Variants in ANKS6 observed in about 807,000 individuals in gnomAD.
ANKS6 encodes ankyrin repeat and sterile alpha motif domain containing 6.
A neutral mutation model predicts 77.9 loss-of-function variants in ANKS6; 47 were observed. The ratio of observed to expected loss-of-function variants is 0.60; its 90% CI spans 0.48 to 0.77. The LOEUF (loss-of-function observed/expected upper bound fraction) is 0.77, where lower values mean the gene tolerates loss of function less well. Ranked by LOEUF, ANKS6 falls within the 30% of genes least tolerant of loss-of-function variation. The probability of loss-of-function intolerance (pLI) is 0.00; values close to 1 mark genes in which losing one functional copy is unlikely to be tolerated. For missense variants in ANKS6, 1,150 were observed against 1,159.1 expected, an observed-to-expected ratio of 0.99 and a Z score of 0.11; for synonymous variants, 488 against 501.7, an observed-to-expected ratio of 0.97 and a Z score of 0.37.
At position 98,732,287 on chromosome 9, in the gene ANKS6, C is replaced by A. The variant is rs1310145498; in HGVS notation, c.*4232G>T. 4.9e-6 allele frequency: 3 copies of A among 617,492 alleles called. No individual in the cohort carries two copies. The highest frequency in any genetic ancestry group is 8.4e-6 in the Non-Finnish European group (3 of 358,300). 38.3% of individuals were successfully genotyped at this position (617,492 alleles called of 1,614,324 possible). On this transcript the variant is annotated 3_prime_UTR_variant, in exon 15 of 15. Coordinates refer to ENST00000353234, the MANE Select transcript of ANKS6 (RefSeq NM_173551.5). ...CTCCGGCCTGGCCCATGTCTTCAGGCAGCTCTGAGGCAAGAATAAAAGGGA... is the reference window on the plus strand; with the variant it reads ...CTCCGGCCTGGCCCATGTCTTCAGGAAGCTCTGAGGCAAGAATAAAAGGGA...
At chr9:98,755,600 C>T (rs1174449987) in intron 12 of ANKS6, among the ~76,000 whole-genome samples, 2 of 152,234 alleles carry the variant, frequency 1.3e-5, no homozygotes, top group Admixed American at 6.5e-5. Context: ...CTTTTGCTTG[C>T]CCTCACCCAT....
chr9:98,737,261 G>A (rs180807411), intron 14 of ANKS6, among the ~76,000 whole-genome samples: 1 of 152,188 alleles, frequency 6.6e-6, no homozygotes, highest in Non-Finnish European at 1.5e-5. Flanking sequence ...GTCCTAGCCA[G>A]AGCAATCAGA....
chr9:98,790,067 G>A (rs755692224), intron 2 of ANKS6, 37 bp downstream of exon 2: 1 of 1,522,592 alleles, frequency 6.6e-7, no homozygotes, highest in African/African-American at 1.4e-5. Flanking sequence ...CACAATTTGG[G>A]GTCCTCTGTG....
chr9:98,769,550 T>C (rs993852965), intron 10 of ANKS6, among the ~76,000 whole-genome samples: 1 of 152,230 alleles, frequency 6.6e-6, no homozygotes, highest in African/African-American at 2.4e-5. Flanking sequence ...GCTGTAGATA[T>C]ATATGTATCA....
chr9:98,754,711 A>G (rs907714831), intron 12 of ANKS6, among the ~76,000 whole-genome samples: 1 of 152,180 alleles, frequency 6.6e-6, no homozygotes, highest in African/African-American at 2.4e-5. Flanking sequence ...CCACAGGACA[A>G]AGGGCTCGCT....
chr9:98,796,275 A>T lies in ANKS6; in HGVS notation c.217T>A (p.Cys73Ser). ...GAVGAPVPVD[C>S]SDEAGNTALQ... Reference sequence around the variant, plus strand: ...GCGGTGTTGCCCGCCTCGTCCGAGCAATCCACGGGCACCGGAGCCCCGACT... The same window carrying T: ...GCGGTGTTGCCCGCCTCGTCCGAGCTATCCACGGGCACCGGAGCCCCGACT... Residue 73 changes from cysteine to serine, a missense_variant, in exon 1 of 15, where the codon TGC (cysteine) becomes AGC (serine). Physicochemically the swap from Cys to Ser is moderately radical, Grantham distance 112 (BLOSUM62 -1). Transcript: ENST00000353234. 1 of 1,335,020 alleles carries T rather than the reference A, an allele frequency of 7.5e-7. No individual in the cohort carries two copies. The highest frequency in any genetic ancestry group is 9.6e-7 in the Non-Finnish European group (1 of 1,037,600). 82.7% of individuals were successfully genotyped at this position (1,335,020 alleles called of 1,614,324 possible).
In ANKS6 at chr9:98,734,643, T is replaced by C. The variant is rs1334436476; in HGVS notation, c.*1876A>G. The C allele has an allele frequency of 8.4e-6, 8 of 957,826 alleles. No individual in the cohort carries two copies. Among genetic ancestry groups the C allele is most frequent in the Non-Finnish European group, 9.9e-6 (8 of 805,098 alleles). The allele number at this position is 957,826 out of a possible 1,614,324, so 59.3% of individuals were successfully genotyped here. ...GTTCTGACCCCAGATCTGCTCCTTC[T>C]GGGCTGTTTAACTGGCAAGCTGCTT... On this transcript the variant is annotated 3_prime_UTR_variant, in exon 15 of 15. Transcript: ENST00000353234.
At chr9:98,744,962 G>T (rs554730) in intron 14 of ANKS6, among the ~76,000 whole-genome samples, 121,531 of 152,120 alleles carry the variant, frequency 0.8, 49,199 homozygotes, top group African/African-American at 0.93. Flanking sequence ...AAGTGAGTGG[G>T]GATTTGTCTT....
chr9:98,743,081 G>A (rs1831927650), intron 14 of ANKS6, among the ~76,000 whole-genome samples: 1 of 152,184 alleles, frequency 6.6e-6, no homozygotes, highest in South Asian at 2.1e-4. Context: ...AGCATTAGCA[G>A]TTGCCATCTG....
chr9:98,753,843 A>G (rs1395621916), intron 12 of ANKS6, among the ~76,000 whole-genome samples: 1 of 152,198 alleles, frequency 6.6e-6, no homozygotes, highest in Non-Finnish European at 1.5e-5. Flanking sequence ...ATGAGTAAAA[A>G]ATACATTTTA....
At chr9:98,741,734 G>T (rs1831842968) in intron 14 of ANKS6, among the ~76,000 whole-genome samples, 1 of 152,166 alleles carries the variant, frequency 6.6e-6, no homozygotes, top group African/African-American at 2.4e-5. Context: ...CCAATACTGG[G>T]GTGGGTTCAT....
intron 13 of ANKS6, among the ~76,000 whole-genome samples, chr9:98,749,790 G>A (rs1363950976): frequency 2.0e-5 from 3 of 152,164 alleles, no homozygotes; most frequent in African/African-American, 7.2e-5. Flanking sequence ...GGAAAGCTAC[G>A]CGCCCTATTT....
intron 9 of ANKS6, among the ~76,000 whole-genome samples, chr9:98,772,295 C>T (rs989644366): frequency 6.6e-6 from 1 of 152,250 alleles, no homozygotes; most frequent in South Asian, 2.1e-4. Context: ...AATGTGACCA[C>T]GGAGGCCGAG....
At chr9:98,760,398 T>C (rs1049326675) in intron 11 of ANKS6, among the ~76,000 whole-genome samples, 3 of 89,390 alleles carry the variant, frequency 3.4e-5, no homozygotes, top group Non-Finnish European at 7.3e-5. Context: ...CCTCTAATCC[T>C]ACCCTCTAAT....
intron 14 of ANKS6, among the ~76,000 whole-genome samples, chr9:98,738,884 G>A (rs2131920488): frequency 6.6e-6 from 1 of 152,240 alleles, no homozygotes; most frequent in Middle Eastern, 3.4e-3. Context: ...AGAAAACTGT[G>A]ATATATATAT....
chr9:98,790,651 C>T (rs1236712318), intron 1 of ANKS6, 45 bp from the exon 2 acceptor site: 7 of 1,566,642 alleles, frequency 4.5e-6, no homozygotes, highest in African/African-American at 1.3e-5. Context: ...ACACAGCACT[C>T]GGGGGCCAGC....
At chr9:98,738,754 C>T (rs955641664) in intron 14 of ANKS6, among the ~76,000 whole-genome samples, 1 of 152,074 alleles carries the variant, frequency 6.6e-6, no homozygotes, top group African/African-American at 2.4e-5. Context: ...GGTATCTACC[C>T]AGAGGAAAAG....
intron 12 of ANKS6, among the ~76,000 whole-genome samples, chr9:98,752,574 A>T (rs952596180): frequency 1.3e-5 from 2 of 152,144 alleles, no homozygotes; most frequent in African/African-American, 4.8e-5. Flanking sequence ...AAGCTAATAC[A>T]CAGTGCTATC....
rs1050832247 is a variant in ANKS6, at chr9:98,741,463, C to T, written c.2511+4096G>A. Among the ~76,000 whole-genome samples, 8 of 152,164 alleles carry T rather than the reference C, an allele frequency of 5.3e-5. No homozygotes were observed. In the South Asian group the frequency reaches 8.3e-4, roughly 16 times the overall value. On this transcript the variant is annotated intron_variant, in intron 14 of 14. Transcript: ENST00000353234. Reference sequence around the variant, plus strand: ...ACAAAAAAAAGGACACAAAACACTGCAGAGTAATCTGCCCAAAGGTGAACA... The same window carrying T: ...ACAAAAAAAAGGACACAAAACACTGTAGAGTAATCTGCCCAAAGGTGAACA...
Sources: gnomAD v4.1 joint callset for allele counts (sites outside exome capture counted in the v4.1 genomes callset) on GRCh38, gnomAD v4.1.1 for gene constraint, MANE v1.5 for transcripts, NCBI Gene and HGNC (gene_info 2026-07-23, HGNC 2026-07-21) for gene names.